EPRS1: variants seen among roughly 807,000 people sequenced by gnomAD.
EPRS1 encodes the protein bifunctional glutamate/proline--tRNA ligase.
In EPRS1, 107 loss-of-function variants were observed where a neutral mutation model predicts 188.3. The observed-to-expected ratio is 0.57, with a 90% confidence interval of 0.49 to 0.67. EPRS1 has a LOEUF of 0.67. Ranked by LOEUF, EPRS1 falls within the 30% of genes least tolerant of loss-of-function variation. EPRS1 has a pLI of 0.00. For missense variants in EPRS1, 1,577 were observed against 1,802.2 expected (o/e 0.88, Z 2.26); for synonymous variants, 596 against 593.1 (o/e 1.00, Z -0.07).
chr1:220,008,562 A>T (rs1216925113), intron 13 of EPRS1, among the ~76,000 whole-genome samples: 1 of 152,240 alleles, frequency 6.6e-6, no homozygotes, highest in Non-Finnish European at 1.5e-5. Context: ...TAAATAAAAA[A>T]TACTTTGCGA....
chr1:220,031,549 A>G (rs570574559), intron 5 of EPRS1, among the ~76,000 whole-genome samples: 1 of 152,364 alleles, frequency 6.6e-6, no homozygotes, highest in Non-Finnish European at 1.5e-5. Flanking sequence ...ATTTGTAGCC[A>G]AAACAACTGA....
At chr1:219,970,772 T>A in intron 30 of EPRS1, among the ~76,000 whole-genome samples, 1 of 106,262 alleles carries the variant, frequency 9.4e-6, no homozygotes. Flanking sequence ...AGCAAGACCC[T>A]GTACCAAAAA....
Position 219,988,714 on chromosome 1 carries a change from T to G in EPRS1, c.2651A>C (p.Asp884Ala). ...PGQPPLSQSS[D>A]SSPTRNSEPA... ...TTCAGAATTTCTGGTTGGGCTTGAA[T>G]CCGAACTTTGAGATAATGGGGGCTG... The change falls in exon 19 of 32, where the codon GAT becomes GCT. Residue 884 changes from aspartate (D) to alanine (A), a missense_variant. Coordinates refer to ENST00000366923, the MANE Select transcript of EPRS1 (RefSeq NM_004446.3). 1 of 1,613,980 alleles carries G rather than the reference T, an allele frequency of 6.2e-7. No individual in the cohort carries two copies. The highest frequency in any genetic ancestry group is 8.5e-7 in the Non-Finnish European group (1 of 1,179,856).
At position 219,979,541 on chromosome 1, in the gene EPRS1, T is replaced by C. The variant is rs1450287986; in HGVS notation, c.3786A>G (p.Pro1262=). 6 of 1,613,904 alleles carry C rather than the reference T, an allele frequency of 3.7e-6. No individual in the cohort carries two copies. The highest frequency in any genetic ancestry group is 1.3e-5 in the African/African-American group (1 of 74,918). Residue 1262 remains proline (P), a synonymous_variant, in exon 27 of 32, where the codon CCA becomes CCG. Transcript: ENST00000366923. Reference sequence around the variant, plus strand: ...TTTGATAGGCAAATTGCTTCTCTCCTGGTATCTTTGGATCTTCAAAAACGA... The same window carrying C: ...TTTGATAGGCAAATTGCTTCTCTCCCGGTATCTTTGGATCTTCAAAAACGA... ...FEIVFEDPKI[P]GEKQFAYQNS...
intron 6 of EPRS1, among the ~76,000 whole-genome samples, chr1:220,029,834 G>A (rs1662053071): frequency 6.6e-6 from 1 of 152,158 alleles, no homozygotes; most frequent in Admixed American, 6.5e-5. Context: ...CCAGCCTGGT[G>A]ATCACCATAC....
intron 1 of EPRS1, among the ~76,000 whole-genome samples, chr1:220,044,711 A>AAAAAAAAT (rs1558064845): frequency 1.6e-5 from 2 of 124,894 alleles, no homozygotes; most frequent in Non-Finnish European, 3.4e-5. Flanking sequence ...AAAAAAAAAA[A>AAAAAAAAT]AACAGTATCA....
Position 220,000,203 on chromosome 1 carries a change from A to G in EPRS1, c.2181+935T>C, listed in dbSNP as rs193286917. Among the ~76,000 whole-genome samples, 47 of 152,342 alleles carry G rather than the reference A, an allele frequency of 3.1e-4. No individual in the cohort carries two copies. The East Asian group carries it at 8.9e-3, about 29-fold the overall frequency. On this transcript the variant is annotated intron_variant, in intron 17 of 31. Coordinates refer to ENST00000366923, the MANE Select transcript of EPRS1 (RefSeq NM_004446.3). Reference sequence around the variant, plus strand: ...GCATAACACCAGTTATCTTTCTAGGATATGTAAAAAATGATAGGCACAGAT... The same window carrying G: ...GCATAACACCAGTTATCTTTCTAGGGTATGTAAAAAATGATAGGCACAGAT...
intron 15 of EPRS1, among the ~76,000 whole-genome samples, chr1:220,005,695 T>A (rs551455284): frequency 4.6e-5 from 7 of 152,306 alleles, no homozygotes; most frequent in African/African-American, 1.7e-4. Context: ...GGCGTAAGGC[T>A]TAAATACGAG....
chr1:219,974,591 C>T (rs536057223), intron 28 of EPRS1, among the ~76,000 whole-genome samples: 1 of 151,582 alleles, frequency 6.6e-6, no homozygotes, highest in African/African-American at 2.4e-5. Context: ...GTGGTCACCC[C>T]AAAAATGCCA....
chr1:220,044,185 A>C (rs1662355955), intron 1 of EPRS1, among the ~76,000 whole-genome samples: 1 of 152,246 alleles, frequency 6.6e-6, no homozygotes, highest in East Asian at 1.9e-4. Context: ...AATTCTAGCA[A>C]TGCAACTATT....
Position 219,983,234 on chromosome 1 carries a change from A to G in EPRS1, c.3255T>C (p.Ser1085=), listed in dbSNP as rs778966189. Reference sequence around the variant, plus strand: ...CATGAGTCTTCTCTTTCTCTAATGCACTTTGAGACACAAACATGGGGAAGT... The same window carrying G: ...CATGAGTCTTCTCTTTCTCTAATGCGCTTTGAGACACAAACATGGGGAAGT... ...NCYFPMFVSQ[S]ALEKEKTHVA... The change falls in exon 22 of 32, where the codon AGT becomes AGC. Residue 1085 remains serine, a synonymous_variant. Coordinates refer to ENST00000366923, the MANE Select transcript of EPRS1 (RefSeq NM_004446.3). 1 of 1,614,140 alleles carries G rather than the reference A, an allele frequency of 6.2e-7. No homozygotes were observed. Among genetic ancestry groups the G allele is most frequent in the South Asian group, 1.1e-5 (1 of 91,082 alleles).
chr1:220,041,156 C>G (rs936273567), intron 1 of EPRS1, among the ~76,000 whole-genome samples: 4 of 151,376 alleles, frequency 2.6e-5, no homozygotes, highest in South Asian at 2.1e-4. Flanking sequence ...CATAGTGAGA[C>G]CCCGTCTCTA....
intron 9 of EPRS1, among the ~76,000 whole-genome samples, chr1:220,021,721 G>A (rs542975621): frequency 6.6e-6 from 1 of 152,320 alleles, no homozygotes; most frequent in East Asian, 1.9e-4. Flanking sequence ...GCACCCATGA[G>A]TTTAAAGTAA....
chr1:220,007,159 C>T (rs749617967), intron 14 of EPRS1, 43 bp downstream of exon 14: 1 of 1,528,830 alleles, frequency 6.5e-7, no homozygotes, highest in Non-Finnish European at 8.9e-7. Context: ...AAATAAAATA[C>T]TTTTCTCCTA....
chr1:219,993,228 C>CAAAAA (rs112928567), intron 18 of EPRS1, among the ~76,000 whole-genome samples: 1 of 139,888 alleles, frequency 7.1e-6, no homozygotes. Context: ...GACCCTGTCT[C>CAAAAA]AAAAAAAAAA....
intron 17 of EPRS1, among the ~76,000 whole-genome samples, chr1:219,999,587 G>A (rs1380579007): frequency 6.6e-6 from 1 of 152,190 alleles, no homozygotes; most frequent in African/African-American, 2.4e-5. Context: ...TCATGCTAGA[G>A]AGGCCACTTG....
At chr1:220,018,850 TAA>T (rs34320023) in intron 11 of EPRS1, 143 bp downstream of exon 11, 42,873 of 350,818 alleles carry the variant, frequency 0.12, 13 homozygotes, top group Non-Finnish European at 0.15. Flanking sequence ...AAGTTTGTTT[TAA>T]AAAAAAAAAA....
At chr1:219,981,528 C>G (rs954887836) in intron 23 of EPRS1, 71 bp from the exon 24 acceptor site, 1 of 798,188 alleles carries the variant, frequency 1.3e-6, no homozygotes, top group East Asian at 2.6e-5. Context: ...AACAGCTAAA[C>G]CAGCAAGATA....
chr1:220,018,916 G>T, intron 11 of EPRS1, 79 bp downstream of exon 11: 1 of 875,106 alleles, frequency 1.1e-6, no homozygotes, highest in Non-Finnish European at 1.8e-6. Context: ...GAACAACAGA[G>T]ATAATAAAGA....
Sources: gnomAD v4.1 joint callset for allele counts (sites outside exome capture counted in the v4.1 genomes callset) on GRCh38, gnomAD v4.1.1 for gene constraint, MANE v1.5 for transcripts, NCBI Gene and HGNC (gene_info 2026-07-23, HGNC 2026-07-21) for gene names.